CSMD3: variants seen among roughly 807,000 people sequenced by gnomAD.
CSMD3 encodes the protein CUB and Sushi multiple domains 3.
In CSMD3, 177 loss-of-function variants were observed where a neutral mutation model predicts 435.2. That is an observed-to-expected ratio of 0.41 (90% CI 0.36 to 0.46). CSMD3 has a LOEUF of 0.46. Among genes scored for constraint, CSMD3 ranks in the 20% least tolerant of loss-of-function variants. The probability of loss-of-function intolerance (pLI) is 0.34; values close to 1 mark genes in which losing one functional copy is unlikely to be tolerated. For synonymous variants in CSMD3, 1,656 were observed against 1,520.5 expected, an observed-to-expected ratio of 1.09 and a Z score of -2.07; for missense variants, 4,265 against 4,504.6, an observed-to-expected ratio of 0.95 and a Z score of 1.52.
At chr8:112,338,833 G>A (rs1014169919) in intron 42 of CSMD3, among the ~76,000 whole-genome samples, 2 of 152,008 alleles carry the variant, frequency 1.3e-5, no homozygotes, top group African/African-American at 4.8e-5. Context: ...ATGTGTATTA[G>A]GAATTGATCA....
chr8:112,414,866 G>T (rs1024403332), intron 32 of CSMD3, among the ~76,000 whole-genome samples: 1 of 152,130 alleles, frequency 6.6e-6, no homozygotes, highest in Non-Finnish European at 1.5e-5. Context: ...GTGGCATTTT[G>T]CCCCTGTGCT....
At chr8:112,321,875 T>A (rs1823025521) in intron 45 of CSMD3, among the ~76,000 whole-genome samples, 1 of 152,142 alleles carries the variant, frequency 6.6e-6, no homozygotes, top group Non-Finnish European at 1.5e-5. Context: ...TCCAGATTTT[T>A]GATAAAATGT....
intron 3 of CSMD3, among the ~76,000 whole-genome samples, chr8:113,198,086 T>A (rs2132017283): frequency 6.6e-6 from 1 of 151,518 alleles, no homozygotes; most frequent in East Asian, 1.9e-4. Flanking sequence ...CTAAAAAGAT[T>A]AATGCAAACT....
chr8:113,230,133 T>A lies in CSMD3; in HGVS notation c.514+48459A>T, dbSNP rs1255688190. ...GTTTCTGATGTTTTAAGTTAATACA[T>A]GGATAGAAATTAAGGACTAGCAAGA... is the stretch of plus-strand genomic sequence containing the variant. On this transcript the variant is annotated intron_variant, in intron 3 of 70. Coordinates refer to ENST00000297405, the MANE Select transcript of CSMD3 (RefSeq NM_198123.2). 6.6e-3 allele frequency among the ~76,000 whole-genome samples: 995 copies of A among 151,770 alleles called. 11 individuals carry two copies. The highest frequency in any genetic ancestry group is 0.022 in the African/African-American group (896 of 41,496).
intron 40 of CSMD3, among the ~76,000 whole-genome samples, chr8:112,346,541 C>G (rs535589817): frequency 6.6e-6 from 1 of 152,040 alleles, no homozygotes; most frequent in Non-Finnish European, 1.5e-5. Context: ...TTCTCTTCCT[C>G]AAGTAGTCCT....
At chr8:113,319,710 C>A (rs2093936125) in intron 1 of CSMD3, among the ~76,000 whole-genome samples, 1 of 152,032 alleles carries the variant, frequency 6.6e-6, no homozygotes. Flanking sequence ...TTGCATTTCT[C>A]TGATAACAAG....
chr8:112,445,429 C>G (rs1208033439), intron 32 of CSMD3, among the ~76,000 whole-genome samples: 2 of 152,084 alleles, frequency 1.3e-5, no homozygotes, highest in South Asian at 4.1e-4. Flanking sequence ...GTGACTGCCT[C>G]TGGAAGCTTC....
At chr8:112,609,923 A>T (rs372494842) in intron 22 of CSMD3, among the ~76,000 whole-genome samples, 57 of 152,268 alleles carry the variant, frequency 3.7e-4, no homozygotes, top group African/African-American at 1.3e-3. Context: ...CCAGACACAC[A>T]AAGACAAATG....
intron 32 of CSMD3, among the ~76,000 whole-genome samples, chr8:112,444,477 T>C (rs749580406): frequency 6.6e-6 from 1 of 152,122 alleles, no homozygotes; most frequent in Non-Finnish European, 1.5e-5. Flanking sequence ...ACAAGGACAA[T>C]AGATAAATGC....
chr8:112,525,306 T>A (rs1824755760), intron 27 of CSMD3, among the ~76,000 whole-genome samples: 2 of 149,978 alleles, frequency 1.3e-5, no homozygotes, highest in South Asian at 4.1e-4. Flanking sequence ...ACAAGCTGTA[T>A]AATTATATAC....
chr8:113,241,802 T>C (rs536414587), intron 3 of CSMD3, among the ~76,000 whole-genome samples: 47 of 152,070 alleles, frequency 3.1e-4, no homozygotes, highest in Middle Eastern at 3.4e-3. Flanking sequence ...AGATTCTATC[T>C]TGTCCTCTGA....
intron 59 of CSMD3, among the ~76,000 whole-genome samples, chr8:112,268,136 T>A (rs1817126968): frequency 6.6e-6 from 1 of 152,190 alleles, no homozygotes; most frequent in South Asian, 2.1e-4. Flanking sequence ...GCAGATACTT[T>A]GACTCTTGTA....
chr8:112,638,880 C>A lies in CSMD3; in HGVS notation c.3342G>T (p.Leu1114Phe), dbSNP rs1312351480. 1 of 1,612,896 alleles carries A rather than the reference C, an allele frequency of 6.2e-7. No homozygotes were observed. The highest frequency in any genetic ancestry group is 8.5e-7 in the Non-Finnish European group (1 of 1,179,296). ...GVQFNFHTFH[L>F]EDHHDYLLIT... ...TCAGTAAGTAGTCATGATGGTCTTC[C>A]AAATGAAAAGTGTGGAAGTTGAACT... The change falls in exon 21 of 71, where the codon TTG becomes TTT. Residue 1114 changes from leucine to phenylalanine, a missense_variant. Physicochemically the swap from Leu to Phe is conservative, Grantham distance 22. Coordinates refer to ENST00000297405, the MANE Select transcript of CSMD3 (RefSeq NM_198123.2).
At chr8:113,354,575 A>G (rs1271364430) in intron 1 of CSMD3, among the ~76,000 whole-genome samples, 3 of 152,224 alleles carry the variant, frequency 2.0e-5, no homozygotes, top group African/African-American at 4.8e-5. Flanking sequence ...GGAGCTATTC[A>G]GCAATGTCAA....
At chr8:113,410,759 G>T (rs2094554510) in intron 1 of CSMD3, among the ~76,000 whole-genome samples, 1 of 144,320 alleles carries the variant, frequency 6.9e-6, no homozygotes, top group Non-Finnish European at 1.5e-5. Flanking sequence ...AAAAAAAAAT[G>T]CCAGGCAGGC....
At chr8:112,370,064 A>AAGG (rs1828219246) in intron 38 of CSMD3, among the ~76,000 whole-genome samples, 1 of 150,714 alleles carries the variant, frequency 6.6e-6, no homozygotes, top group African/African-American at 2.4e-5. Context: ...GAAGAAGAAG[A>AAGG]AGAAGAAGAA....
Position 112,311,103 on chromosome 8 carries a change from T to C in CSMD3, c.7760A>G (p.Gln2587Arg). 6.2e-7 allele frequency: 1 copy of C among 1,614,080 alleles called. No homozygotes were observed. ...GGCCCAACGGACCACACTGTTAAGC[T>C]GCCCACCTGTCTGACTGATAATATA... ...HGYIISQTGG[Q>R]LNSVVRWACD... Residue 2587 changes from glutamine (Q) to arginine (R), a missense_variant, in exon 50 of 71, where the codon CAG (glutamine) becomes CGG (arginine). Physicochemically the swap from Gln to Arg is conservative, Grantham distance 43. Transcript: ENST00000297405.
intron 24 of CSMD3, among the ~76,000 whole-genome samples, chr8:112,570,574 A>G (rs1829421219): frequency 6.6e-6 from 1 of 152,212 alleles, no homozygotes; most frequent in South Asian, 2.1e-4. Flanking sequence ...GAAAACAAAT[A>G]GTATATACTT....
chr8:112,486,250 C>T (rs1021798942), intron 31 of CSMD3, among the ~76,000 whole-genome samples: 10 of 151,980 alleles, frequency 6.6e-5, no homozygotes, highest in South Asian at 6.2e-4. Context: ...ATTCCAGGCA[C>T]TCTTTGGTTC....
Sources: gnomAD v4.1 joint callset for allele counts (sites outside exome capture counted in the v4.1 genomes callset) on GRCh38, gnomAD v4.1.1 for gene constraint, MANE v1.5 for transcripts, NCBI Gene and HGNC (gene_info 2026-07-23, HGNC 2026-07-21) for gene names.